H1-7: variants seen among roughly 807,000 people sequenced by gnomAD.
H1-7 encodes the protein H1.7 linker histone.
In H1-7, 1 loss-of-function variant was observed where a neutral mutation model predicts 0.3. That is an observed-to-expected ratio of 3.06 (90% CI 1.09 to 14.53). The LOEUF (loss-of-function observed/expected upper bound fraction) is 14.53, where lower values mean the gene tolerates loss of function less well. H1-7 is among the 30% of genes most tolerant of loss of function. The pLI is 0.12. For synonymous variants in H1-7, 177 were observed against 153.2 expected, an observed-to-expected ratio of 1.16 and a Z score of -1.15; for missense variants, 393 against 353.1, an observed-to-expected ratio of 1.11 and a Z score of -0.91.
chr12:48,330,110 A>T lies in H1-7; in HGVS notation c.*51A>T, dbSNP rs181687514. The T allele has an allele frequency of 8.3e-4, 1,264 of 1,519,112 alleles. 4 individuals are homozygous for T. The highest frequency in any genetic ancestry group is 7.8e-4 in the Non-Finnish European group (882 of 1,137,618). 94.1% of individuals were successfully genotyped at this position (1,519,112 alleles called of 1,614,324 possible). On this transcript the variant is annotated 3_prime_UTR_variant, in exon 1 of 1. Coordinates refer to ENST00000335017, the MANE Select transcript of H1-7 (RefSeq NM_181788.1). The stretch of plus-strand genomic sequence containing the variant: ...CATCTAGCGGGCAGGGGAAGACTCC[A>T]CTAAAGACTTCCACAAAGACCTCCC...
rs372307401 is a variant in H1-7, at chr12:48,329,433, G to A, written c.142G>A (p.Gly48Arg). 1 of 1,614,078 alleles carries A rather than the reference G, an allele frequency of 6.2e-7. No homozygotes were observed. Among genetic ancestry groups the A allele is most frequent in the Admixed American group, 1.7e-5 (1 of 60,014 alleles). ...TQLPAEKTVG[G>R]PSRGCSSSVL... ...GCTGCCAGCGGAAAAAACTGTCGGG[G>A]GACCATCGAGGGGCTGCTCAAGCTC... Residue 48 changes from glycine (G) to arginine (R), a missense_variant, in exon 1 of 1, where the codon GGA becomes AGA. Coordinates refer to ENST00000335017, the MANE Select transcript of H1-7 (RefSeq NM_181788.1).
chr12:48,330,224 A>G lies in H1-7; in HGVS notation c.*165A>G. On this transcript the variant is annotated 3_prime_UTR_variant, in exon 1 of 1. Transcript: ENST00000335017. ...CCACGGACCAATGCCTTTCCCCCAT[A>G]GGCCCCAAGAAGAGCGGCTGTCACA... 1 of 738,654 alleles carries G rather than the reference A, an allele frequency of 1.4e-6. No homozygotes were observed. Among genetic ancestry groups the G allele is most frequent in the East Asian group, 2.7e-5 (1 of 36,738 alleles). 45.8% of individuals were successfully genotyped at this position (738,654 alleles called of 1,614,324 possible).
Position 48,330,193 on chromosome 12 carries a change from C to T in H1-7, c.*134C>T. The T allele has an allele frequency of 1.0e-6, 1 of 1,003,904 alleles. No individual in the cohort carries two copies. 62.2% of individuals were successfully genotyped at this position (1,003,904 alleles called of 1,614,324 possible). ...AATGCATCTTGTGGGAGCAGCTTCACTCCCACCACGGACCAATGCCTTTCC... is the reference window on the plus strand; with the variant it reads ...AATGCATCTTGTGGGAGCAGCTTCATTCCCACCACGGACCAATGCCTTTCC... On this transcript the variant is annotated 3_prime_UTR_variant, in exon 1 of 1. Coordinates refer to ENST00000335017, the MANE Select transcript of H1-7 (RefSeq NM_181788.1).
At position 48,329,377 on chromosome 12, in the gene H1-7, G is replaced by C; in HGVS notation, c.86G>C (p.Ser29Thr). The stretch of plus-strand genomic sequence containing the variant: ...GCCATGGCTGAGGCGCCTGGGCCCA[G>C]TGGCGAATCCCGAGGACACTCAGCC... ...SGAMAEAPGP[S>T]GESRGHSATQ... Residue 29 changes from serine to threonine, a missense_variant, in exon 1 of 1, where the codon AGT becomes ACT. Coordinates refer to ENST00000335017, the MANE Select transcript of H1-7 (RefSeq NM_181788.1). 1 of 1,613,130 alleles carries C rather than the reference G, an allele frequency of 6.2e-7. No individual in the cohort carries two copies. Among genetic ancestry groups the C allele is most frequent in the Non-Finnish European group, 8.5e-7 (1 of 1,179,590 alleles).
rs1020523184 is a variant in H1-7 at position 48,329,776 on chromosome 12, G to T, written c.485G>T (p.Arg162Leu). The change falls in exon 1 of 1, where the codon CGC becomes CTC. Residue 162 changes from arginine (R) to leucine (L), a missense_variant. Arg to Leu is a moderately radical substitution (Grantham distance 102). Coordinates refer to ENST00000335017, the MANE Select transcript of H1-7 (RefSeq NM_181788.1). Reference sequence around the variant, plus strand: ...TCCCGGAGGCGCCGCCAGCCCCTTCGCAAGGCGGCCAGGAAGGCCAGAGAA... The same window carrying T: ...TCCCGGAGGCGCCGCCAGCCCCTTCTCAAGGCGGCCAGGAAGGCCAGAGAA... ...RSSRRRRQPL[R>L]KAARKAREVW... The T allele has an allele frequency of 3.1e-6, 5 of 1,599,362 alleles. No individual in the cohort carries two copies. The highest frequency in any genetic ancestry group is 3.5e-5 in the Admixed American group (2 of 57,134).
Position 48,329,642 on chromosome 12 carries a change from C to G in H1-7, c.351C>G (p.Ala117=). The change falls in exon 1 of 1, where the codon GCC becomes GCG. Residue 117 remains alanine, a synonymous_variant. Coordinates refer to ENST00000335017, the MANE Select transcript of H1-7 (RefSeq NM_181788.1). ...TLLRVSGSDA[A]GYFRVWKVPK... ...TCCGGGTCAGCGGCAGCGACGCCGC[C>G]GGCTACTTCAGGGTCTGGAAGGTTC... 1 of 1,611,732 alleles carries G rather than the reference C, an allele frequency of 6.2e-7. No homozygotes were observed. Among genetic ancestry groups the G allele is most frequent in the Non-Finnish European group, 8.5e-7 (1 of 1,179,344 alleles).
chr12:48,329,101 A>T lies in H1-7; in HGVS notation c.-191A>T. ...GGGAACAAAACCCTGGAGACTCTAT[A>T]GGTAGGTGACTGTTGGGGGTGGACA... On this transcript the variant is annotated 5_prime_UTR_variant, in exon 1 of 1. Transcript: ENST00000335017. 1.7e-6 allele frequency: 1 copy of T among 596,444 alleles called. No homozygotes were observed. Among genetic ancestry groups the T allele is most frequent in the Non-Finnish European group, 2.9e-6 (1 of 350,136 alleles). 36.9% of individuals were successfully genotyped at this position (596,444 alleles called of 1,614,324 possible). A position where few individuals can be genotyped will look rare whatever the true frequency, so the allele number is the denominator to read the frequency against.
At position 48,329,698 on chromosome 12, in the gene H1-7, G is replaced by C; in HGVS notation, c.407G>C (p.Arg136Thr). 6.2e-7 allele frequency: 1 copy of C among 1,610,538 alleles called. No individual in the cohort carries two copies. The highest frequency in any genetic ancestry group is 8.5e-7 in the Non-Finnish European group (1 of 1,179,390). ...CCCAGGAGAAAGCCGGGACGCGCGA[G>C]GCAAGAGGAGGGCACGCGCGCTCCC... ...PKPRRKPGRARQEEGTRAPWR... is the reference protein window; with the variant it reads ...PKPRRKPGRATQEEGTRAPWR... The change falls in exon 1 of 1, where the codon AGG becomes ACG. Residue 136 changes from arginine (R) to threonine (T), a missense_variant. Physicochemically the swap from Arg to Thr is moderately conservative, Grantham distance 71 (BLOSUM62 -1). Transcript: ENST00000335017.
Position 48,329,868 on chromosome 12 carries a change from A to G in H1-7, c.577A>G (p.Arg193Gly). The G allele has an allele frequency of 6.3e-7, 1 of 1,589,398 alleles. No homozygotes were observed. The highest frequency in any genetic ancestry group is 8.6e-7 in the Non-Finnish European group (1 of 1,168,522). Residue 193 changes from arginine (R) to glycine (G), a missense_variant, in exon 1 of 1, where the codon AGG becomes GGG. Transcript: ENST00000335017. The stretch of plus-strand genomic sequence containing the variant: ...CAGGGCGAGGAGGACCAGGAGGGCA[A>G]GGCCGAGAGCCAAGGAGCCGCCGTG... ...NARARRTRRA[R>G]PRAKEPPCAR...
chr12:48,329,195 A>G lies in H1-7; in HGVS notation c.-97A>G. ...ATTTGATTGGTTATTATAAGTGAAAAGGGCCCCTCCCCGGGTGAGATATGC... is the reference window on the plus strand; with the variant it reads ...ATTTGATTGGTTATTATAAGTGAAAGGGGCCCCTCCCCGGGTGAGATATGC... On this transcript the variant is annotated 5_prime_UTR_variant, in exon 1 of 1. Transcript: ENST00000335017. 3.6e-6 allele frequency: 5 copies of G among 1,372,744 alleles called. No individual in the cohort carries two copies. Among genetic ancestry groups the G allele is most frequent in the Non-Finnish European group, 4.9e-6 (5 of 1,029,304 alleles). The allele number at this position is 1,372,744 out of a possible 1,614,324, so 85.0% of individuals were successfully genotyped here.
At position 48,329,055 on chromosome 12, in the gene H1-7, C is replaced by T. The variant is rs1565979541; in HGVS notation, c.-237C>T. 3 of 498,396 alleles carry T rather than the reference C, an allele frequency of 6.0e-6. No homozygotes were observed. The highest frequency in any genetic ancestry group is 7.0e-6 in the Non-Finnish European group (2 of 286,690). 30.9% of individuals were successfully genotyped at this position (498,396 alleles called of 1,614,324 possible). On this transcript the variant is annotated 5_prime_UTR_variant, in exon 1 of 1. Coordinates refer to ENST00000335017, the MANE Select transcript of H1-7 (RefSeq NM_181788.1). ...GCCGACTAAAGAAAGCGGTGGAGAT[C>T]GAGATCAGTAAGTTTGATTTGGGAA...
rs780091100 is a variant in H1-7 at position 48,329,529 on chromosome 12, A to C, written c.238A>C (p.Lys80Gln). The C allele has an allele frequency of 1.9e-6, 3 of 1,613,828 alleles. No homozygotes were observed. The South Asian group carries it at 3.3e-5, about 18-fold the overall frequency. The change falls in exon 1 of 1, where the codon AAG (lysine) becomes CAG (glutamine). Residue 80 changes from lysine (K) to glutamine (Q), a missense_variant. By Grantham distance (53) the Lys-to-Gln change is moderately conservative. Transcript: ENST00000335017. ...THKGLTLAAL[K>Q]KELRNAGYEV... ...CAAAGGGCTGACTCTGGCAGCTCTC[A>C]AGAAGGAGCTCCGAAACGCCGGCTA...
chr12:48,329,699 G>A lies in H1-7; in HGVS notation c.408G>A (p.Arg136=), dbSNP rs752698412. ...PKPRRKPGRA[R]QEEGTRAPWR... is the part of the protein sequence containing the mutation. Reference sequence around the variant, plus strand: ...CCAGGAGAAAGCCGGGACGCGCGAGGCAAGAGGAGGGCACGCGCGCTCCCT... The same window carrying A: ...CCAGGAGAAAGCCGGGACGCGCGAGACAAGAGGAGGGCACGCGCGCTCCCT... Residue 136 remains arginine, a synonymous_variant, in exon 1 of 1, where the codon AGG becomes AGA. Coordinates refer to ENST00000335017, the MANE Select transcript of H1-7 (RefSeq NM_181788.1). 3 of 1,610,472 alleles carry A rather than the reference G, an allele frequency of 1.9e-6. No homozygotes were observed. Among genetic ancestry groups the A allele is most frequent in the South Asian group, 2.2e-5 (2 of 90,904 alleles).
In H1-7 at chr12:48,329,528, C is replaced by G. The variant is rs1565979745; in HGVS notation, c.237C>G (p.Leu79=). 1.2e-6 allele frequency: 2 copies of G among 1,613,806 alleles called. No homozygotes were observed. Among genetic ancestry groups the G allele is most frequent in the East Asian group, 2.2e-5 (1 of 44,876 alleles). The change falls in exon 1 of 1, where the codon CTC becomes CTG. Residue 79 remains leucine (L), a synonymous_variant. Coordinates refer to ENST00000335017, the MANE Select transcript of H1-7 (RefSeq NM_181788.1). The part of the protein sequence containing the change: ...STHKGLTLAA[L]KKELRNAGYE... ...ACAAAGGGCTGACTCTGGCAGCTCT[C>G]AAGAAGGAGCTCCGAAACGCCGGCT...
chr12:48,329,603 C>T lies in H1-7; in HGVS notation c.312C>T (p.Ala104=). The change falls in exon 1 of 1, where the codon GCC becomes GCT. Residue 104 remains alanine, a synonymous_variant. Coordinates refer to ENST00000335017, the MANE Select transcript of H1-7 (RefSeq NM_181788.1). The stretch of plus-strand genomic sequence containing the variant: ...GCCACGAAGCGCCCAGGGGGCAGGC[C>T]AAGGCCACGCTCCTCCGGGTCAGCG... ...SGRHEAPRGQ[A]KATLLRVSGS... 1 of 1,612,722 alleles carries T rather than the reference C, an allele frequency of 6.2e-7. No homozygotes were observed. The highest frequency in any genetic ancestry group is 1.1e-5 in the South Asian group (1 of 90,976).
chr12:48,329,177 T>C lies in H1-7; in HGVS notation c.-115T>C. ...GACCTAGAAGGAAGTGGCATTTGAT[T>C]GGTTATTATAAGTGAAAAGGGCCCC... is the stretch of plus-strand genomic sequence containing the variant. On this transcript the variant is annotated 5_prime_UTR_variant, in exon 1 of 1. Transcript: ENST00000335017. 1 of 1,237,856 alleles carries C rather than the reference T, an allele frequency of 8.1e-7. No individual in the cohort carries two copies. Among genetic ancestry groups the C allele is most frequent in the Non-Finnish European group, 1.1e-6 (1 of 909,038 alleles). 76.7% of individuals were successfully genotyped at this position (1,237,856 alleles called of 1,614,324 possible). A position where few individuals can be genotyped will look rare whatever the true frequency, so the allele number is the denominator to read the frequency against.
At position 48,329,092 on chromosome 12, in the gene H1-7, A is replaced by G. The variant is rs533490390; in HGVS notation, c.-200A>G. ...GTTTGATTTGGGAACAAAACCCTGG[A>G]GACTCTATAGGTAGGTGACTGTTGG... is the stretch of plus-strand genomic sequence containing the variant. On this transcript the variant is annotated 5_prime_UTR_variant, in exon 1 of 1. Coordinates refer to ENST00000335017, the MANE Select transcript of H1-7 (RefSeq NM_181788.1). 5.5e-6 allele frequency: 3 copies of G among 549,866 alleles called. No individual in the cohort carries two copies. The highest frequency in any genetic ancestry group is 3.7e-5 in the Admixed American group (1 of 26,982). The allele number at this position is 549,866 out of a possible 1,614,324, so 34.1% of individuals were successfully genotyped here.
Position 48,329,951 on chromosome 12 carries a change from C to A in H1-7, c.660C>A (p.Ala220=). 1.2e-6 allele frequency: 2 copies of A among 1,610,936 alleles called. No homozygotes were observed. Among genetic ancestry groups the A allele is most frequent in the Non-Finnish European group, 1.7e-6 (2 of 1,178,652 alleles). Residue 220 remains alanine, a synonymous_variant, in exon 1 of 1, where the codon GCC becomes GCA. Transcript: ENST00000335017. ...CGGCAGACGAGGGGCGAGGACAGGCCGTGAAGGAAGACACCACGCCGAGGT... is the reference window on the plus strand; with the variant it reads ...CGGCAGACGAGGGGCGAGGACAGGCAGTGAAGGAAGACACCACGCCGAGGT... ...ATAADEGRGQ[A]VKEDTTPRSG...
chr12:48,330,189 T>C lies in H1-7; in HGVS notation c.*130T>C. ...TGGGAATGCATCTTGTGGGAGCAGC[T>C]TCACTCCCACCACGGACCAATGCCT... On this transcript the variant is annotated 3_prime_UTR_variant, in exon 1 of 1. Transcript: ENST00000335017. 2 of 1,031,414 alleles carry C rather than the reference T, an allele frequency of 1.9e-6. No individual in the cohort carries two copies. Among genetic ancestry groups the C allele is most frequent in the Non-Finnish European group, 2.8e-6 (2 of 718,040 alleles). The allele number at this position is 1,031,414 out of a possible 1,614,324, so 63.9% of individuals were successfully genotyped here.
Sources: gnomAD v4.1 joint callset for allele counts on GRCh38, gnomAD v4.1.1 for gene constraint, MANE v1.5 for transcripts, NCBI Gene and HGNC (gene_info 2026-07-23, HGNC 2026-07-21) for gene names.